Variants in MEI4 observed in about 807,000 individuals in gnomAD.
MEI4 encodes the protein meiosis-specific protein MEI4.
A neutral mutation model predicts 31.4 loss-of-function variants in MEI4; 27 were observed. The ratio of observed to expected loss-of-function variants is 0.86; its 90% CI spans 0.63 to 1.19. MEI4 has a LOEUF of 1.19. MEI4 is among the 50% of genes most tolerant of loss of function. MEI4 has a pLI of 0.00. For synonymous variants in MEI4, 122 were observed against 145.4 expected, an observed-to-expected ratio of 0.84 and a Z score of 1.16; for missense variants, 329 against 398.9, an observed-to-expected ratio of 0.82 and a Z score of 1.49.
chr6:77,832,021 C>G (rs1400563260), intron 4 of MEI4, among the ~76,000 whole-genome samples: 1 of 151,862 alleles, frequency 6.6e-6, no homozygotes, highest in Admixed American at 6.6e-5. Flanking sequence ...ATGAAAATAT[C>G]CCATTTATCC....
rs149844529 is a variant in MEI4, at chr6:77,662,181, C to A, written c.-15+9089C>A. On this transcript the variant is annotated intron_variant, in intron 1 of 4. Coordinates refer to ENST00000684080, the MANE Select transcript of MEI4 (RefSeq NM_001322247.2). The stretch of plus-strand genomic sequence containing the variant: ...AGGGCTTGAGTTAAGGCAACTAGTT[C>A]GGCTTGCTGAGAGGTAGTGGAGAGG... Among the ~76,000 whole-genome samples, 194 of 152,232 alleles carry A rather than the reference C, an allele frequency of 1.3e-3. 1 individual carries two copies. The highest frequency in any genetic ancestry group is 4.0e-3 in the African/African-American group (167 of 41,522).
At position 77,788,669 on chromosome 6, in the gene MEI4, TA is replaced by T. The variant is rs544564939; in HGVS notation, c.768+27008del. Among the ~76,000 whole-genome samples, 18 of 152,060 alleles carry T rather than the reference TA, an allele frequency of 1.2e-4. No homozygotes were observed. The East Asian group carries it at 3.3e-3, about 28-fold the overall frequency. ...CCATTCACAATTGCTTCAAAGAGAA[TA>T]AAATACCTAGGAATCCAACTTACAA... On this transcript the variant is annotated intron_variant, in intron 3 of 4. Coordinates refer to ENST00000684080, the MANE Select transcript of MEI4 (RefSeq NM_001322247.2).
intron 4 of MEI4, among the ~76,000 whole-genome samples, chr6:77,868,524 T>TATATATATATATATATATATAA (rs1771114266): frequency 7.3e-6 from 1 of 137,780 alleles, no homozygotes; most frequent in South Asian, 2.2e-4. Context: ...TATATATATA[T>TATATATATATATATATATATAA]ATATGCAGAT....
chr6:77,705,553 C>T (rs956001868), intron 2 of MEI4, among the ~76,000 whole-genome samples: 4 of 152,034 alleles, frequency 2.6e-5, no homozygotes, highest in Admixed American at 1.3e-4. Flanking sequence ...ATAGAATATG[C>T]AGACAAAGCA....
rs1398067476 is a variant in MEI4, at chr6:77,711,178, A to G, written c.232+20275A>G. Among the ~76,000 whole-genome samples, 4 of 152,178 alleles carry G rather than the reference A, an allele frequency of 2.6e-5. No homozygotes were observed. In the East Asian group the frequency reaches 7.7e-4, roughly 29 times the overall value. ...ATTCTGGTGATCTGTTGTACAGTAT[A>G]GTGACTGTAGTTAGTAATAATGTTC... On this transcript the variant is annotated intron_variant, in intron 2 of 4. Coordinates refer to ENST00000684080, the MANE Select transcript of MEI4 (RefSeq NM_001322247.2).
At position 77,837,596 on chromosome 6, in the gene MEI4, T is replaced by C. The variant is rs575074860; in HGVS notation, c.900+8534T>C. Among the ~76,000 whole-genome samples the C allele has an allele frequency of 6.9e-4, 105 of 152,256 alleles. 3 individuals are homozygous for C. In the South Asian group the frequency reaches 0.022, roughly 31 times the overall value. ...TTGCCACCTGCTTTTGTAAATAAAG[T>C]TTTACTGGAACACAAATACTTGAAA... is the stretch of plus-strand genomic sequence containing the variant. On this transcript the variant is annotated intron_variant, in intron 4 of 4. Coordinates refer to ENST00000684080, the MANE Select transcript of MEI4 (RefSeq NM_001322247.2).
intron 2 of MEI4, among the ~76,000 whole-genome samples, chr6:77,723,287 C>T (rs1448280044): frequency 7.2e-5 from 10 of 138,880 alleles, no homozygotes; most frequent in African/African-American, 1.3e-4. Flanking sequence ...CCACTTGTGG[C>T]GGGGGACAAT....
chr6:77,761,631 T>C lies in MEI4; in HGVS notation c.734T>C (p.Leu245Pro). The C allele has an allele frequency of 3.2e-6, 4 of 1,231,768 alleles. No individual in the cohort carries two copies. Among genetic ancestry groups the C allele is most frequent in the Non-Finnish European group, 4.0e-6 (4 of 987,656 alleles). 76.3% of individuals were successfully genotyped at this position (1,231,768 alleles called of 1,614,324 possible). A position where few individuals can be genotyped will look rare whatever the true frequency, so the allele number is the denominator to read the frequency against. ...KKLEEFEKTL[L>P]HAILGNNHIN... ...TTGGAAGAATTTGAGAAAACCCTAC[T>C]ACATGCTATTTTAGGAAACAATCAT... Residue 245 changes from leucine to proline, a missense_variant, in exon 3 of 5, where the codon CTA becomes CCA. Transcript: ENST00000684080.
chr6:77,764,320 C>G (rs1768115709), intron 3 of MEI4, among the ~76,000 whole-genome samples: 1 of 152,138 alleles, frequency 6.6e-6, no homozygotes, highest in Non-Finnish European at 1.5e-5. Flanking sequence ...TGTAATACCT[C>G]CTTTTTGATT....
At chr6:77,858,761 A>T (rs12200754) in intron 4 of MEI4, among the ~76,000 whole-genome samples, 1 of 151,760 alleles carries the variant, frequency 6.6e-6, no homozygotes, top group African/African-American at 2.4e-5. Flanking sequence ...TTCCATCACA[A>T]ATTATTTTAA....
chr6:77,774,356 T>C (rs1196667939), intron 3 of MEI4, among the ~76,000 whole-genome samples: 1 of 152,102 alleles, frequency 6.6e-6, no homozygotes, highest in Non-Finnish European at 1.5e-5. Flanking sequence ...ATCCTGTCAT[T>C]TGCAACGACA....
chr6:77,690,814 G>A lies in MEI4; in HGVS notation c.143G>A (p.Arg48Lys). ...CTGTCTGAGGAGCAGTCAAAATGGA[G>A]ATCAAAAGTTGAAATCTTGGAAGCT... ...MLLSEEQSKW[R>K]SKVEILEAEV... is the part of the protein sequence containing the mutation. The change falls in exon 2 of 5, where the codon AGA (arginine) becomes AAA (lysine). Residue 48 changes from arginine (R) to lysine (K), a missense_variant. By Grantham distance (26) the Arg-to-Lys change is conservative (BLOSUM62 2). Transcript: ENST00000684080. 8.1e-7 allele frequency: 1 copy of A among 1,231,576 alleles called. No homozygotes were observed. 76.3% of individuals were successfully genotyped at this position (1,231,576 alleles called of 1,614,324 possible). A position where few individuals can be genotyped will look rare whatever the true frequency, so the allele number is the denominator to read the frequency against.
At chr6:77,852,585 G>GTTTTTTTTTTT (rs58175580) in intron 4 of MEI4, among the ~76,000 whole-genome samples, 2 of 142,608 alleles carry the variant, frequency 1.4e-5, no homozygotes, top group African/African-American at 2.6e-5. Context: ...GTTGTTGTTT[G>GTTTTTTTTTTT]TTTTTTTTTT....
chr6:77,917,683 G>C (rs1286244099), intron 4 of MEI4, among the ~76,000 whole-genome samples: 1 of 125,244 alleles, frequency 8.0e-6, no homozygotes, highest in African/African-American at 3.3e-5. Context: ...TGTCAGATGA[G>C]TAGGTTGCAA....
chr6:77,744,902 T>C (rs140976162), intron 2 of MEI4, among the ~76,000 whole-genome samples: 9,722 of 152,224 alleles, frequency 0.064, 468 homozygotes, highest in Non-Finnish European at 0.1. Flanking sequence ...TAAAATGCTT[T>C]ACAGAGAAGC....
intron 2 of MEI4, among the ~76,000 whole-genome samples, chr6:77,699,967 AG>A: frequency 6.6e-6 from 1 of 152,280 alleles, no homozygotes; most frequent in Non-Finnish European, 1.5e-5. Context: ...GTTTTGTCTC[AG>A]AGGCGTACCC....
intron 2 of MEI4, among the ~76,000 whole-genome samples, chr6:77,733,305 T>G (rs1334504542): frequency 6.6e-6 from 1 of 152,016 alleles, no homozygotes. Flanking sequence ...CAATTTCAGA[T>G]CCTGTTATTG....
chr6:77,761,974 A>G (rs772644560), intron 3 of MEI4, among the ~76,000 whole-genome samples: 1 of 152,022 alleles, frequency 6.6e-6, no homozygotes, highest in African/African-American at 2.4e-5. Flanking sequence ...TTCTGTTTCT[A>G]TTTCTTATTC....
intron 1 of MEI4, among the ~76,000 whole-genome samples, chr6:77,671,399 G>A (rs1219394347): frequency 1.3e-5 from 2 of 152,012 alleles, no homozygotes; most frequent in African/African-American, 4.8e-5. Context: ...TTATTAGTCT[G>A]TTAATTTCCT....
Sources: allele counts gnomAD v4.1 joint callset (sites outside exome capture counted in the v4.1 genomes callset), GRCh38; gene constraint gnomAD v4.1.1; transcripts MANE v1.5; gene names NCBI Gene and HGNC (gene_info 2026-07-23, HGNC 2026-07-21).